Variants in ARSG observed in about 807,000 individuals in gnomAD.
ARSG encodes the protein ASG.
A neutral mutation model predicts 50.5 loss-of-function variants in ARSG; 37 were observed. The observed-to-expected ratio is 0.73, with a 90% confidence interval of 0.56 to 0.96. ARSG has a LOEUF of 0.96. Ranked by LOEUF, ARSG falls within the 50% of genes least tolerant of loss-of-function variation. ARSG has a pLI of 0.00. For missense variants in ARSG, 629 were observed against 675.3 expected (o/e 0.93, Z 0.76); for synonymous variants, 225 against 254.6 (o/e 0.88, Z 1.11).
intron 2 of ARSG, among the ~76,000 whole-genome samples, chr17:68,315,213 C>A (rs1293905285): frequency 1.3e-5 from 2 of 152,148 alleles, no homozygotes; most frequent in African/African-American, 2.4e-5. Flanking sequence ...CAAAGAGAAT[C>A]CATCAAGATT....
chr17:68,328,419 C>T (rs1057361706), intron 2 of ARSG, among the ~76,000 whole-genome samples: 4 of 152,206 alleles, frequency 2.6e-5, no homozygotes, highest in Non-Finnish European at 4.4e-5. Flanking sequence ...TCTAGTCTCA[C>T]ACTAGACAGA....
chr17:68,376,237 A>C (rs532645030), intron 8 of ARSG, among the ~76,000 whole-genome samples: 105 of 145,476 alleles, frequency 7.2e-4, no homozygotes, highest in African/African-American at 2.6e-3. Flanking sequence ...CATTCTCCTG[A>C]GTACCTTGGA....
intron 1 of ARSG, among the ~76,000 whole-genome samples, chr17:68,266,689 T>G (rs2075173721): frequency 6.6e-6 from 1 of 151,640 alleles, no homozygotes; most frequent in Admixed American, 6.6e-5. Context: ...CGGGCACCTG[T>G]AATCCTAGCT....
downstream of ARSG, chr17:68,422,694 A>T (rs527436230): frequency 7.6e-6 from 1 of 131,506 alleles, no homozygotes; most frequent in South Asian, 2.6e-4. Context: ...ACGCCAACAC[A>T]TTCTAGCCTG....
the ARSG span, among the ~76,000 whole-genome samples, chr17:68,430,548 A>G: frequency 6.6e-6 from 1 of 152,198 alleles, no homozygotes; most frequent in South Asian, 2.1e-4. Context: ...TCATGGAAGA[A>G]CAGACAGATC....
downstream of ARSG, among the ~76,000 whole-genome samples, chr17:68,426,600 T>C (rs1036953846): frequency 2.6e-5 from 4 of 152,214 alleles, no homozygotes; most frequent in Admixed American, 2.6e-4. Context: ...TGGTATGATC[T>C]CAGCTCACTG....
intron 2 of ARSG, among the ~76,000 whole-genome samples, chr17:68,342,940 C>A (rs2146245417): frequency 6.6e-6 from 1 of 152,292 alleles, no homozygotes; most frequent in Admixed American, 6.5e-5. Context: ...CCTATATCCG[C>A]AAATGACCCT....
At chr17:68,379,708 T>A in intron 8 of ARSG, 1 of 522,160 alleles carries the variant, frequency 1.9e-6, no homozygotes, top group Non-Finnish European at 2.5e-6. Context: ...TTTTTGTCAG[T>A]TATGGGCAGT....
the ARSG span, among the ~76,000 whole-genome samples, chr17:68,429,450 G>A: frequency 1.3e-5 from 2 of 152,262 alleles, no homozygotes; most frequent in East Asian, 3.9e-4. Context: ...ATAAAAATAA[G>A]AATTGTTTTT....
exon 1 of ARSG, chr17:68,259,207 G>C (rs1861737239): frequency 1.3e-5 from 2 of 152,376 alleles, no homozygotes; most frequent in South Asian, 4.1e-4. Context: ...GGCGGGCCCA[G>C]CAGCTGCGAA....
intron 1 of ARSG, among the ~76,000 whole-genome samples, chr17:68,293,635 G>A (rs191216508): frequency 2.0e-5 from 3 of 152,092 alleles, no homozygotes; most frequent in African/African-American, 7.2e-5. Flanking sequence ...AATGTTAACC[G>A]CATCAGTAAC....
chr17:68,421,615 T>G, downstream of ARSG: 2 of 969,692 alleles, frequency 2.1e-6, no homozygotes, highest in Non-Finnish European at 3.2e-6. Flanking sequence ...GGAAGCTTGG[T>G]GAGGAGTTAA....
At chr17:68,426,160 C>T, downstream of ARSG, 1 of 1,608,746 alleles carries the variant, frequency 6.2e-7, no homozygotes, top group South Asian at 1.1e-5. Context: ...CAGCGCCCCG[C>T]CGTCCTCAGA....
rs79630175 is a variant in ARSG at position 68,333,781 on chromosome 17, A to G, written c.219-9823A>G. Among the ~76,000 whole-genome samples the G allele has an allele frequency of 3.8e-4, 58 of 152,262 alleles. No homozygotes were observed. The East Asian group carries it at 8.9e-3, about 23-fold the overall frequency. On this transcript the variant is annotated intron_variant, in intron 2 of 11. Coordinates refer to ENST00000621439, the MANE Select transcript of ARSG (RefSeq NM_001267727.2). The stretch of plus-strand genomic sequence containing the variant: ...GAACAGAAAAAGCTGGGTAGAGATG[A>G]ATATTTGGGGAGCAAAGTTGTGAGC...
chr17:68,421,923 G>T, downstream of ARSG: 5 of 1,466,686 alleles, frequency 3.4e-6, no homozygotes, highest in Non-Finnish European at 9.5e-7. Flanking sequence ...GCAGGGAGAG[G>T]CTGGGCACTG....
intron 2 of ARSG, among the ~76,000 whole-genome samples, chr17:68,327,773 ATAGG>A (rs1470769645): frequency 6.6e-6 from 1 of 152,160 alleles, no homozygotes; most frequent in African/African-American, 2.4e-5. Context: ...TCAGAGGCTG[ATAGG>A]TAGGTTGAGC....
chr17:68,371,092 C>T (rs138683238), intron 8 of ARSG, among the ~76,000 whole-genome samples: 3,248 of 151,918 alleles, frequency 0.021, 113 homozygotes, highest in African/African-American at 0.074. Flanking sequence ...AAGCCCAGGC[C>T]GGCGGATCAC....
At chr17:68,375,595 C>T (rs1432018707) in intron 8 of ARSG, among the ~76,000 whole-genome samples, 2 of 152,180 alleles carry the variant, frequency 1.3e-5, no homozygotes, top group African/African-American at 4.8e-5. Flanking sequence ...CTTGGTCACA[C>T]CAGCCACACT....
chr17:68,333,631 AAATAAT>A (rs150655015), intron 2 of ARSG, among the ~76,000 whole-genome samples: 8,861 of 142,612 alleles, frequency 0.062, 328 homozygotes, highest in African/African-American at 0.1. Context: ...TCTGTCTCAA[AAATAAT>A]AATAATAATA....
Sources: gnomAD v4.1 joint callset for allele counts (sites outside exome capture counted in the v4.1 genomes callset) on GRCh38, gnomAD v4.1.1 for gene constraint, MANE v1.5 for transcripts, NCBI Gene and HGNC (gene_info 2026-07-23, HGNC 2026-07-21) for gene names.